The following ZNF423 variants were observed in gnomAD, a reference collection of about 807,000 sequenced individuals.
The protein encoded by ZNF423 is zinc finger protein 423, also known as Ebf-associated zinc finger protein.
Under a neutral mutation model 95.8 loss-of-function variants are expected in ZNF423, and 12 were observed. The ratio of observed to expected loss-of-function variants is 0.13; its 90% CI spans 0.08 to 0.20. The LOEUF (loss-of-function observed/expected upper bound fraction) is 0.20, where lower values mean the gene tolerates loss of function less well. ZNF423 is among the 10% of genes least tolerant of loss of function. ZNF423 has a pLI of 1.00. For missense variants in ZNF423, 1,316 were observed against 1,737.1 expected, an observed-to-expected ratio of 0.76 and a Z score of 4.31; for synonymous variants, 749 against 711.9, an observed-to-expected ratio of 1.05 and a Z score of -0.83.
At position 49,525,443 on chromosome 16, in the gene ZNF423, G is replaced by A; in HGVS notation, c.3653C>T (p.Pro1218Leu). Residue 1218 changes from proline (P) to leucine (L), a missense_variant, in exon 6 of 8, where the codon CCG (proline) becomes CTG (leucine). Physicochemically the swap from Pro to Leu is moderately conservative, Grantham distance 98. This residue lies in a region of ZNF423 where 75 missense variants were observed against 163.5 expected (regional missense o/e 0.46). Coordinates refer to ENST00000563137, the MANE Select transcript of ZNF423 (RefSeq NM_001379286.1). ...AATGAGGTGACAGAGGAGCTTGGCC[G>A]GGGAGTCGAACATCTGGTTGCACAG... ...CKLCNQMFDS[P>L]AKLLCHLIEH... The A allele has an allele frequency of 6.2e-7, 1 of 1,614,080 alleles. No homozygotes were observed.
intron 2 of ZNF423, among the ~76,000 whole-genome samples, chr16:49,757,071 T>C (rs773481247): frequency 1.3e-5 from 2 of 152,246 alleles, no homozygotes; most frequent in Non-Finnish European, 2.9e-5. Context: ...TCTTATAAAT[T>C]ACTTGTCACG....
In ZNF423 at chr16:49,831,100, A is replaced by AG. The variant is rs571342707; in HGVS notation, c.40+24634dup. On this transcript the variant is annotated intron_variant, in intron 1 of 7. Transcript: ENST00000563137. ...GGGAATTTCACAACCTCAGGGTGTGAGGGGGAACACCTGGCCAGAGCCAGA... is the reference window on the plus strand; with the variant it reads ...GGGAATTTCACAACCTCAGGGTGTGAGGGGGGAACACCTGGCCAGAGCCAGA... 3.2e-4 allele frequency among the ~76,000 whole-genome samples: 48 copies of AG among 152,188 alleles called. No homozygotes were observed. The East Asian group carries it at 9.1e-3, about 29-fold the overall frequency.
chr16:49,598,585 C>T (rs1455500134), intron 5 of ZNF423, among the ~76,000 whole-genome samples: 2 of 152,212 alleles, frequency 1.3e-5, no homozygotes, highest in South Asian at 2.1e-4. Context: ...GGTGAGCACG[C>T]GCACTGGGGA....
chr16:49,709,453 A>G (rs905463811), intron 3 of ZNF423, among the ~76,000 whole-genome samples: 46 of 152,184 alleles, frequency 3.0e-4, no homozygotes, highest in Admixed American at 5.9e-4. Context: ...ACACCACGCC[A>G]GGTACGATGC....
chr16:49,602,011 T>A (rs1397799213), intron 5 of ZNF423, among the ~76,000 whole-genome samples: 1 of 152,258 alleles, frequency 6.6e-6, no homozygotes, highest in Admixed American at 6.5e-5. Context: ...TTAACTCTGG[T>A]CCCAGCACTG....
intron 5 of ZNF423, among the ~76,000 whole-genome samples, chr16:49,538,317 G>A (rs1250541284): frequency 2.0e-5 from 3 of 152,292 alleles, no homozygotes; most frequent in South Asian, 4.1e-4. Context: ...GCAGGAAAAC[G>A]CCCCACCGTA....
intron 5 of ZNF423, among the ~76,000 whole-genome samples, chr16:49,607,567 A>G (rs1488388333): frequency 6.6e-6 from 1 of 152,170 alleles, no homozygotes; most frequent in Non-Finnish European, 1.5e-5. Flanking sequence ...AGCCCACGGA[A>G]TCCTCTTCCC....
At chr16:49,641,318 G>A (rs530317903) in intron 3 of ZNF423, among the ~76,000 whole-genome samples, 6 of 152,346 alleles carry the variant, frequency 3.9e-5, no homozygotes, top group Middle Eastern at 3.4e-3. Flanking sequence ...CCACTCCTGC[G>A]TGGGTAAGAA....
intron 1 of ZNF423, among the ~76,000 whole-genome samples, chr16:49,811,328 TA>T (rs2034748869): frequency 6.6e-6 from 1 of 151,510 alleles, no homozygotes; most frequent in Non-Finnish European, 1.5e-5. Context: ...GGAGAGGAGT[TA>T]GAGTTGGCCT....
chr16:49,581,588 A>G (rs1429005510), intron 5 of ZNF423, among the ~76,000 whole-genome samples: 3 of 152,104 alleles, frequency 2.0e-5, no homozygotes, highest in Admixed American at 6.5e-5. Context: ...AATCCTCCCA[A>G]CACATTTTAT....
At chr16:49,853,910 C>T (rs1199137560) in intron 1 of ZNF423, 1 of 985,274 alleles carries the variant, frequency 1.0e-6, no homozygotes, top group African/African-American at 1.7e-5. Context: ...TCAAAATCAA[C>T]TGCCTGAGTT....
chr16:49,664,134 T>C (rs2030403789), intron 3 of ZNF423: 12 of 985,568 alleles, frequency 1.2e-5, no homozygotes, highest in Non-Finnish European at 1.4e-5. Context: ...AACTGGCCGA[T>C]GCCAAGAGGG....
chr16:49,738,723 G>A (rs2033348196), intron 2 of ZNF423, among the ~76,000 whole-genome samples: 1 of 152,014 alleles, frequency 6.6e-6, no homozygotes, highest in Non-Finnish European at 1.5e-5. Context: ...AGAGTGAGAG[G>A]GCAGCGGGGT....
chr16:49,672,916 C>T (rs900865074), intron 3 of ZNF423, among the ~76,000 whole-genome samples: 3 of 152,150 alleles, frequency 2.0e-5, no homozygotes, highest in Non-Finnish European at 4.4e-5. Context: ...CACAGCCTGC[C>T]CCACCACGCG....
At chr16:49,664,350 T>C in intron 3 of ZNF423, 1 of 949,094 alleles carries the variant, frequency 1.1e-6, no homozygotes, top group Non-Finnish European at 1.3e-6. Flanking sequence ...GGAAGGGCCT[T>C]GGGGAAGAAA....
At chr16:49,533,551 C>T (rs934802848) in intron 5 of ZNF423, among the ~76,000 whole-genome samples, 21 of 152,230 alleles carry the variant, frequency 1.4e-4, no homozygotes, top group African/African-American at 5.1e-4. Context: ...TGGATCTTAG[C>T]TAGGGGTCAG....
intron 2 of ZNF423, among the ~76,000 whole-genome samples, chr16:49,732,825 C>T (rs1207580417): frequency 6.6e-6 from 1 of 152,186 alleles, no homozygotes; most frequent in Non-Finnish European, 1.5e-5. Context: ...GAACACAAAT[C>T]GGCTCATCGG....
intron 2 of ZNF423, among the ~76,000 whole-genome samples, chr16:49,765,181 C>G (rs1244268563): frequency 1.3e-5 from 2 of 152,102 alleles, no homozygotes; most frequent in African/African-American, 4.8e-5. Flanking sequence ...TGAGCCTTCT[C>G]TTTTATTAAG....
chr16:49,736,043 G>A (rs1283643182), intron 2 of ZNF423, among the ~76,000 whole-genome samples: 1 of 152,164 alleles, frequency 6.6e-6, no homozygotes, highest in Non-Finnish European at 1.5e-5. Context: ...GTCTAATTTA[G>A]CTCAGTGCCA....
Sources: gnomAD v4.1 joint callset for allele counts (sites outside exome capture counted in the v4.1 genomes callset) on GRCh38, gnomAD v4.1.1 for gene constraint, gnomAD v4.1.1 regional missense constraint, MANE v1.5 for transcripts, NCBI Gene and HGNC (gene_info 2026-07-23, HGNC 2026-07-21) for gene names.